Variants in ALDH4A1 observed in about 807,000 individuals in gnomAD.
ALDH4A1 encodes aldehyde dehydrogenase 4 family member A1.
ALDH4A1 carries 46 observed loss-of-function variants against 70.5 expected under a neutral mutation model. The ratio of observed to expected loss-of-function variants is 0.65; its 90% CI spans 0.51 to 0.83. The LOEUF (loss-of-function observed/expected upper bound fraction) is 0.83. Ranked by LOEUF, ALDH4A1 falls within the 40% of genes least tolerant of loss-of-function variation. The probability of loss-of-function intolerance (pLI) is 0.00; values close to 1 mark genes in which losing one functional copy is unlikely to be tolerated. For synonymous variants in ALDH4A1, 323 were observed against 324.3 expected, an observed-to-expected ratio of 1.00 and a Z score of 0.04; for missense variants, 749 against 766.5, an observed-to-expected ratio of 0.98 and a Z score of 0.27.
chr1:18,887,762 G>A lies in ALDH4A1; in HGVS notation c.250-1251C>T, dbSNP rs541708540. On this transcript the variant is annotated intron_variant, in intron 3 of 14. Coordinates refer to ENST00000375341, the MANE Select transcript of ALDH4A1 (RefSeq NM_003748.4). ...TGCCCAGACCCGTCTCACCCATACC[G>A]ATGAGTACCTCAGCCTGTAAGCAGC... Among the ~76,000 whole-genome samples the A allele has an allele frequency of 9.2e-5, 14 of 152,232 alleles. No homozygotes were observed. The South Asian group carries it at 1.0e-3, about 11-fold the overall frequency.
intron 1 of ALDH4A1, among the ~76,000 whole-genome samples, chr1:18,901,953 G>A (rs1281640558): frequency 1.3e-5 from 2 of 151,250 alleles, no homozygotes; most frequent in African/African-American, 4.8e-5. Context: ...AAAAACGGGC[G>A]GCGGGGTGTG....
intron 1 of ALDH4A1, among the ~76,000 whole-genome samples, chr1:18,899,788 T>G (rs1390942591): frequency 6.6e-6 from 1 of 152,190 alleles, no homozygotes; most frequent in Non-Finnish European, 1.5e-5. Flanking sequence ...AGGCCACACT[T>G]TATGGTGATT....
intron 3 of ALDH4A1, among the ~76,000 whole-genome samples, chr1:18,886,987 G>A (rs1935226639): frequency 6.6e-6 from 1 of 152,322 alleles, no homozygotes. Flanking sequence ...GTATGAGGCT[G>A]CGACTATGGG....
intron 4 of ALDH4A1, among the ~76,000 whole-genome samples, 199 bp downstream of exon 4, chr1:18,886,265 A>G (rs1935196663): frequency 1.3e-5 from 2 of 152,266 alleles, no homozygotes; most frequent in South Asian, 4.2e-4. Flanking sequence ...GGCTCAAGTT[A>G]ACCTTTGTAT....
intron 3 of ALDH4A1, among the ~76,000 whole-genome samples, chr1:18,887,246 C>G (rs1935237934): frequency 6.6e-6 from 1 of 152,290 alleles, no homozygotes; most frequent in Admixed American, 6.5e-5. Context: ...GGAGCTCAGG[C>G]CATGAGAACC....
intron 1 of ALDH4A1, among the ~76,000 whole-genome samples, chr1:18,899,745 GT>G (rs1323179227): frequency 6.6e-6 from 1 of 152,214 alleles, no homozygotes; most frequent in African/African-American, 2.4e-5. Context: ...GGCAGTCATT[GT>G]CACCAGCTGC....
intron 14 of ALDH4A1, 48 bp from the exon 15 acceptor site, chr1:18,873,005 G>C: frequency 6.8e-7 from 1 of 1,479,666 alleles, no homozygotes. Context: ...GCAACAGCCT[G>C]GGCAGAAGGG....
rs775103072 is a variant in ALDH4A1 at position 18,890,046 on chromosome 1, G to C, written c.122C>G (p.Thr41Arg). 1.2e-6 allele frequency: 2 copies of C among 1,612,756 alleles called. No individual in the cohort carries two copies. Among genetic ancestry groups the C allele is most frequent in the East Asian group, 2.2e-5 (1 of 44,868 alleles). ...GGCATCTCGCTCAGGGCTGCCCTGCGTGAAGGCTAAGACGGGCTCGTTGGC... is the reference window on the plus strand; with the variant it reads ...GGCATCTCGCTCAGGGCTGCCCTGCCTGAAGGCTAAGACGGGCTCGTTGGC... ...KVANEPVLAF[T>R]QGSPERDALQ... Residue 41 changes from threonine (T) to arginine (R), a missense_variant, in exon 2 of 15, where the codon ACG (threonine) becomes AGG (arginine). Thr to Arg is a moderately conservative substitution (Grantham distance 71). Coordinates refer to ENST00000375341, the MANE Select transcript of ALDH4A1 (RefSeq NM_003748.4).
At chr1:18,894,847 T>C (rs925422970) in intron 1 of ALDH4A1, among the ~76,000 whole-genome samples, 1 of 151,114 alleles carries the variant, frequency 6.6e-6, no homozygotes, top group Non-Finnish European at 1.5e-5. Context: ...CAGTGCTTTC[T>C]TTTTTCTTTC....
chr1:18,877,136 T>C, intron 11 of ALDH4A1, 72 bp downstream of exon 11: 1 of 1,552,360 alleles, frequency 6.4e-7, no homozygotes. Flanking sequence ...GGGTACCCTG[T>C]ATCTCTTCCT....
intron 1 of ALDH4A1, among the ~76,000 whole-genome samples, chr1:18,895,008 G>C (rs1340231538): frequency 6.6e-6 from 1 of 151,926 alleles, no homozygotes; most frequent in Non-Finnish European, 1.5e-5. Context: ...CTTCTTGGCA[G>C]GACAGCATTC....
At chr1:18,876,587 C>T in intron 11 of ALDH4A1, 120 bp from the exon 12 acceptor site, 1 of 1,234,702 alleles carries the variant, frequency 8.1e-7, no homozygotes, top group South Asian at 1.4e-5. Flanking sequence ...GAAACAGGGG[C>T]AGGGGTAGGG....
At position 18,880,059 on chromosome 1, in the gene ALDH4A1, C is replaced by CCGCT. The variant is rs1415501468; in HGVS notation, c.867-690_867-687dup. Among the ~76,000 whole-genome samples, 2 of 152,208 alleles carry CCGCT rather than the reference C, an allele frequency of 1.3e-5. No homozygotes were observed. The highest frequency in any genetic ancestry group is 1.3e-4 in the Admixed American group (2 of 15,290). Reference sequence around the variant, plus strand: ...AGAGCGTGGAGAATGGGGTCCAGGCCCGCTCCGCCCGCTGATAGGCGGGGA... The same window carrying CCGCT: ...AGAGCGTGGAGAATGGGGTCCAGGCCCGCTCGCTCCGCCCGCTGATAGGCGGGGA... On this transcript the variant is annotated intron_variant, in intron 8 of 14. Coordinates refer to ENST00000375341, the MANE Select transcript of ALDH4A1 (RefSeq NM_003748.4). The surrounding 1 kb of genome is among the most constrained non-coding windows in gnomAD (Gnocchi z 5.1).
rs200662086 is a variant in ALDH4A1, at chr1:18,883,192, C to T, written c.610G>A (p.Val204Met). 92 of 1,613,066 alleles carry T rather than the reference C, an allele frequency of 5.7e-5. No individual in the cohort carries two copies. Among genetic ancestry groups the T allele is most frequent in the African/African-American group, 1.6e-4 (12 of 74,954 alleles). Residue 204 changes from valine to methionine, a missense_variant, in exon 7 of 15, where the codon GTG becomes ATG. By Grantham distance (21) the Val-to-Met change is conservative. Coordinates refer to ENST00000375341, the MANE Select transcript of ALDH4A1 (RefSeq NM_003748.4). ...STVYRGLEGF[V>M]AAISPFNFTA... is the part of the protein sequence containing the mutation. ...AAGTTAAAGGGCGAGATGGCCGCCA[C>T]GAAGCCCTGGGGAAGGAGGCAGCGG...
intron 14 of ALDH4A1, among the ~76,000 whole-genome samples, chr1:18,873,768 T>A (rs767526530): frequency 2.9e-4 from 44 of 152,268 alleles, no homozygotes; most frequent in Middle Eastern, 3.4e-3. Context: ...CCCTCTGCAA[T>A]ACATGGGTAA....
At chr1:18,875,182 G>T (rs1044335601) in intron 13 of ALDH4A1, among the ~76,000 whole-genome samples, 200 bp downstream of exon 13, 3 of 152,198 alleles carry the variant, frequency 2.0e-5, no homozygotes, top group Admixed American at 2.0e-4. Context: ...CCCTGGCACC[G>T]GCACCACCAG....
intron 9 of ALDH4A1, among the ~76,000 whole-genome samples, chr1:18,878,426 A>T (rs369808845): frequency 6.6e-6 from 1 of 151,626 alleles, no homozygotes; most frequent in Admixed American, 6.6e-5. Context: ...CTTCCCTGAC[A>T]CCCCCATCCG....
At chr1:18,883,031 C>T in intron 7 of ALDH4A1, 93 bp downstream of exon 7, 1 of 1,548,256 alleles carries the variant, frequency 6.5e-7, no homozygotes, top group Non-Finnish European at 8.9e-7. Context: ...CATGACTAGG[C>T]TGAGACCCAA....
At position 18,898,704 on chromosome 1, in the gene ALDH4A1, G is replaced by A. The variant is rs1326449013; in HGVS notation, c.62+3758C>T. On this transcript the variant is annotated intron_variant, in intron 1 of 14. Transcript: ENST00000375341. The surrounding 1 kb of genome is among the most constrained non-coding windows in gnomAD (Gnocchi z 4.3). Reference sequence around the variant, plus strand: ...AGAGAGGGTGAGTAACCTGCCCGGGGCCACAGAGCTGCCAAGAGTTGGAGC... The same window carrying A: ...AGAGAGGGTGAGTAACCTGCCCGGGACCACAGAGCTGCCAAGAGTTGGAGC... Among the ~76,000 whole-genome samples the A allele has an allele frequency of 6.6e-6, 1 of 152,168 alleles. No homozygotes were observed. Among genetic ancestry groups the A allele is most frequent in the Non-Finnish European group, 1.5e-5 (1 of 68,020 alleles).
Sources: gnomAD v4.1 joint callset for allele counts (sites outside exome capture counted in the v4.1 genomes callset) on GRCh38, gnomAD v4.1.1 for gene constraint, Gnocchi (gnomAD v3.1) non-coding constraint, MANE v1.5 for transcripts, NCBI Gene and HGNC (gene_info 2026-07-23, HGNC 2026-07-21) for gene names.